DLC1: variants seen among roughly 807,000 people sequenced by gnomAD.
DLC1 encodes the protein DLC1 Rho GTPase activating protein.
In DLC1, 54 loss-of-function variants were observed where a neutral mutation model predicts 140.3. That is an observed-to-expected ratio of 0.38 (90% confidence interval 0.31 to 0.48). DLC1 has a LOEUF of 0.48. Among genes scored for constraint, DLC1 ranks in the 20% least tolerant of loss-of-function variants. The pLI, the probability that DLC1 is intolerant of heterozygous loss-of-function variation, is 0.96. For missense variants in DLC1, 2,536 were observed against 1,907.0 expected (o/e 1.33, Z -6.14); for synonymous variants, 986 against 728.1 (o/e 1.35, Z -5.70).
intron 4 of DLC1, among the ~76,000 whole-genome samples, chr8:13,346,726 G>A (rs1320694675): frequency 3.9e-5 from 6 of 152,242 alleles, no homozygotes; most frequent in African/African-American, 1.4e-4. Context: ...ACCCCCCTTT[G>A]TCAGTCTCCT....
At chr8:13,582,605 C>G (rs940144508) in intron 1 of DLC1, among the ~76,000 whole-genome samples, 1 of 152,024 alleles carries the variant, frequency 6.6e-6, no homozygotes, top group South Asian at 2.1e-4. Flanking sequence ...AGAACTCGAA[C>G]TGCTTCTCCT....
intron 4 of DLC1, among the ~76,000 whole-genome samples, chr8:13,346,949 G>A (rs1478402761): frequency 4.6e-5 from 7 of 152,192 alleles, no homozygotes; most frequent in African/African-American, 7.2e-5. Context: ...GTACAGTCAA[G>A]ATATTCTGAG....
intron 5 of DLC1, among the ~76,000 whole-genome samples, chr8:13,160,952 G>C (rs1342965661): frequency 6.6e-6 from 1 of 152,138 alleles, no homozygotes; most frequent in Non-Finnish European, 1.5e-5. Flanking sequence ...GTGGTGGCGG[G>C]TACCTGTATT....
intron 5 of DLC1, among the ~76,000 whole-genome samples, chr8:13,293,977 T>G (rs1465574143): frequency 6.6e-6 from 1 of 152,166 alleles, no homozygotes; most frequent in East Asian, 1.9e-4. Context: ...AAATTATAAT[T>G]TTATCGAACA....
At chr8:13,401,757 A>G (rs1304575072) in intron 2 of DLC1, 138 bp from the exon 3 acceptor site, 6 of 1,088,662 alleles carry the variant, frequency 5.5e-6, no homozygotes, top group Middle Eastern at 3.2e-4. Flanking sequence ...TCCATTCTGT[A>G]TCATCAATGG....
intron 4 of DLC1, among the ~76,000 whole-genome samples, chr8:13,311,735 GC>G (rs1403513270): frequency 5.3e-5 from 8 of 152,226 alleles, no homozygotes; most frequent in South Asian, 2.1e-4. Flanking sequence ...TTGAACAAAG[GC>G]AAAGTTAATT....
intron 2 of DLC1, among the ~76,000 whole-genome samples, chr8:13,453,408 A>ATATATATATATATATATATATGTGTG (rs1563359524): frequency 1.9e-5 from 1 of 52,346 alleles, no homozygotes; most frequent in African/African-American, 1.2e-4. Flanking sequence ...ATATGTGTAT[A>ATATATATATATATATATATATGTGTG]TATATATATA....
chr8:13,384,978 A>G (rs1159077983), intron 4 of DLC1, among the ~76,000 whole-genome samples: 1 of 152,198 alleles, frequency 6.6e-6, no homozygotes, highest in Non-Finnish European at 1.5e-5. Flanking sequence ...CTAGAATTTA[A>G]ATGAAATCTG....
At chr8:13,354,699 C>T (rs979124968) in intron 4 of DLC1, among the ~76,000 whole-genome samples, 3 of 150,992 alleles carry the variant, frequency 2.0e-5, no homozygotes, top group Non-Finnish European at 4.4e-5. Context: ...AATCCCAGCA[C>T]TTTGGGAGGC....
intron 5 of DLC1, among the ~76,000 whole-genome samples, chr8:13,195,728 A>G (rs1003864111): frequency 1.3e-5 from 2 of 152,230 alleles, no homozygotes; most frequent in Non-Finnish European, 2.9e-5. Flanking sequence ...AGATGGTGCC[A>G]CATTACCAAG....
At chr8:13,402,202 A>G (rs1455726681) in intron 2 of DLC1, among the ~76,000 whole-genome samples, 3 of 152,204 alleles carry the variant, frequency 2.0e-5, no homozygotes, top group Admixed American at 1.3e-4. Context: ...TTACACACTT[A>G]TAAAACAGCT....
intron 5 of DLC1, among the ~76,000 whole-genome samples, chr8:13,132,701 C>T (rs1207577312): frequency 6.6e-6 from 1 of 152,210 alleles, no homozygotes; most frequent in Admixed American, 6.5e-5. Flanking sequence ...GTGCGCTGGC[C>T]CGCGGTCCCC....
chr8:13,473,449 C>A (rs1196675452), intron 2 of DLC1, among the ~76,000 whole-genome samples: 1 of 152,124 alleles, frequency 6.6e-6, no homozygotes, highest in Non-Finnish European at 1.5e-5. Context: ...CTTGCTTCTT[C>A]TTCCTTCTGC....
At chr8:13,587,445 G>C (rs553271338) in intron 1 of DLC1, among the ~76,000 whole-genome samples, 1 of 151,550 alleles carries the variant, frequency 6.6e-6, no homozygotes, top group African/African-American at 2.4e-5. Flanking sequence ...TGCATTACAT[G>C]TACGATTCTC....
Position 13,593,742 on chromosome 8 carries a change from A to T in DLC1, c.-126+10795T>A, listed in dbSNP as rs1271927298. 2.0e-5 allele frequency among the ~76,000 whole-genome samples: 3 copies of T among 152,132 alleles called. No homozygotes were observed. In the East Asian group the frequency reaches 5.8e-4, roughly 29 times the overall value. ...AACTTATTTTGAAGAGGAAAGACAT[A>T]TGGTTATTAGTTATACTCAGAAGTG... On this transcript the variant is annotated intron_variant, in intron 1 of 1. Transcript: ENST00000631382.
intron 2 of DLC1, among the ~76,000 whole-genome samples, chr8:13,428,156 T>G (rs748815095): frequency 3.3e-5 from 5 of 152,102 alleles, no homozygotes; most frequent in Non-Finnish European, 5.9e-5. Flanking sequence ...TGTAAAAAGA[T>G]AAGGTGGCAA....
chr8:13,373,458 T>G (rs1015213225), intron 4 of DLC1, among the ~76,000 whole-genome samples: 4 of 152,222 alleles, frequency 2.6e-5, no homozygotes, highest in Non-Finnish European at 5.9e-5. Context: ...CTCATCTTGT[T>G]AGTTAAACCC....
intron 4 of DLC1, among the ~76,000 whole-genome samples, chr8:13,333,661 C>T (rs937322639): frequency 6.6e-6 from 1 of 152,112 alleles, no homozygotes; most frequent in Non-Finnish European, 1.5e-5. Context: ...CTCACCCGCC[C>T]CCTTATTTAA....
chr8:13,448,369 CT>C (rs33970379), intron 2 of DLC1, among the ~76,000 whole-genome samples: 80 of 143,766 alleles, frequency 5.6e-4, no homozygotes, highest in Non-Finnish European at 5.3e-4. Context: ...TCTTCTTCTT[CT>C]TTTTTTTTTT....
Sources: gnomAD v4.1 joint callset for allele counts (sites outside exome capture counted in the v4.1 genomes callset) on GRCh38, gnomAD v4.1.1 for gene constraint, MANE v1.5 for transcripts, NCBI Gene and HGNC (gene_info 2026-07-23, HGNC 2026-07-21) for gene names.